SHISA6: variants seen among roughly 807,000 people sequenced by gnomAD.
The protein encoded by SHISA6 is protein shisa-6.
In SHISA6, 22 loss-of-function variants were observed where a neutral mutation model predicts 47.9. The ratio of observed to expected loss-of-function variants is 0.46; its 90% CI spans 0.33 to 0.66. The LOEUF (loss-of-function observed/expected upper bound fraction) is 0.66. Ranked by LOEUF, SHISA6 falls within the 30% of genes least tolerant of loss-of-function variation. SHISA6 has a pLI of 0.02. For synonymous variants in SHISA6, 388 were observed against 337.8 expected (o/e 1.15, Z -1.63); for missense variants, 680 against 764.6 (o/e 0.89, Z 1.30).
intron 3 of SHISA6, among the ~76,000 whole-genome samples, chr17:11,447,759 T>C (rs1455637902): frequency 1.3e-5 from 2 of 152,224 alleles, no homozygotes; most frequent in African/African-American, 4.8e-5. Flanking sequence ...CAATGAAGTT[T>C]CTGCCCGTTT....
intron 2 of SHISA6, among the ~76,000 whole-genome samples, chr17:11,308,519 A>G (rs192575418): frequency 5.3e-4 from 81 of 152,288 alleles, no homozygotes; most frequent in Non-Finnish European, 1.0e-3. Context: ...CAGACTTCCC[A>G]GTACAATTTC....
At chr17:11,346,874 A>G (rs764470803) in intron 2 of SHISA6, among the ~76,000 whole-genome samples, 1 of 152,214 alleles carries the variant, frequency 6.6e-6, no homozygotes, top group Non-Finnish European at 1.5e-5. Flanking sequence ...TATACTCATC[A>G]TATAGTCAGT....
At chr17:11,548,244 AC>A (rs1158609901) in intron 3 of SHISA6, among the ~76,000 whole-genome samples, 3 of 152,050 alleles carry the variant, frequency 2.0e-5, no homozygotes, top group African/African-American at 7.2e-5. Flanking sequence ...CAATAGAAGG[AC>A]CCCCCGAAAA....
chr17:11,499,698 T>TTGTTGTTGTTG (rs1555540216), intron 3 of SHISA6, among the ~76,000 whole-genome samples: 1 of 146,520 alleles, frequency 6.8e-6, no homozygotes, highest in Non-Finnish European at 1.5e-5. Context: ...TTTTTTTTTT[T>TTGTTGTTGTTG]TTGTTGTTGT....
At chr17:11,448,485 T>C (rs1054204739) in intron 3 of SHISA6, among the ~76,000 whole-genome samples, 2 of 151,638 alleles carry the variant, frequency 1.3e-5, no homozygotes, top group Non-Finnish European at 2.9e-5. Context: ...TCAGCTGTGA[T>C]CACACCACTG....
At chr17:11,329,912 C>T (rs6502143) in intron 2 of SHISA6, among the ~76,000 whole-genome samples, 30,729 of 151,850 alleles carry the variant, frequency 0.2, 3,415 homozygotes, top group African/African-American at 0.3. Context: ...CTCTCCCTCC[C>T]TCCCTCCCTC....
At position 11,353,479 on chromosome 17, in the gene SHISA6, C is replaced by T. The variant is rs571859024; in HGVS notation, c.800-25935C>T. Among the ~76,000 whole-genome samples the T allele has an allele frequency of 7.2e-3, 1,076 of 150,430 alleles. 1 individual carries two copies. The highest frequency in any genetic ancestry group is 0.011 in the Non-Finnish European group (777 of 67,640). On this transcript the variant is annotated intron_variant, in intron 2 of 5. Transcript: ENST00000441885. ...TAAAAAAAAAAAAAAAAGGGTGAGGCGGGGGGTCCTCAACCAGTGTAACAA... is the reference window on the plus strand; with the variant it reads ...TAAAAAAAAAAAAAAAAGGGTGAGGTGGGGGGTCCTCAACCAGTGTAACAA...
At chr17:11,306,257 G>A (rs1186962924) in intron 2 of SHISA6, among the ~76,000 whole-genome samples, 2 of 152,108 alleles carry the variant, frequency 1.3e-5, no homozygotes, top group Non-Finnish European at 2.9e-5. Context: ...AGGAAAGTAA[G>A]TGATCTCAGC....
chr17:11,386,487 A>T (rs1913198047), intron 3 of SHISA6, among the ~76,000 whole-genome samples: 1 of 152,216 alleles, frequency 6.6e-6, no homozygotes, highest in Admixed American at 6.5e-5. Context: ...AATGTTAAGG[A>T]TTATAGAGAA....
At chr17:11,322,273 A>C (rs1415829754) in intron 2 of SHISA6, among the ~76,000 whole-genome samples, 1 of 152,148 alleles carries the variant, frequency 6.6e-6, no homozygotes, top group Non-Finnish European at 1.5e-5. Context: ...AAAGAAAAAA[A>C]GAGTTTTTTG....
At chr17:11,530,776 A>G (rs2071725545) in intron 3 of SHISA6, among the ~76,000 whole-genome samples, 1 of 152,226 alleles carries the variant, frequency 6.6e-6, no homozygotes, top group South Asian at 2.1e-4. Context: ...GAGGAAAAGA[A>G]GGCACAGTGT....
At chr17:11,453,294 G>C (rs1036735460) in intron 3 of SHISA6, among the ~76,000 whole-genome samples, 2 of 152,156 alleles carry the variant, frequency 1.3e-5, no homozygotes, top group African/African-American at 4.8e-5. Context: ...TGGTAGAAGA[G>C]AGCCTGAGGT....
Position 11,414,413 on chromosome 17 carries a change from ATGCCACTGGGT to A in SHISA6, c.895+34906_895+34916del, listed in dbSNP as rs1225272013. Among the ~76,000 whole-genome samples, 5 of 152,278 alleles carry A rather than the reference ATGCCACTGGGT, an allele frequency of 3.3e-5. No individual in the cohort carries two copies. In the South Asian group the frequency reaches 8.3e-4, roughly 25 times the overall value. On this transcript the variant is annotated intron_variant, in intron 3 of 5. Coordinates refer to ENST00000441885, the MANE Select transcript of SHISA6 (RefSeq NM_207386.4). Reference sequence around the variant, plus strand: ...CATCTTGACCCAGGCAGCCCTCAGAATGCCACTGGGTTCCTGTTGAGGCATTAAAGGGGCTT... The same window carrying A: ...CATCTTGACCCAGGCAGCCCTCAGAATCCTGTTGAGGCATTAAAGGGGCTT...
intron 2 of SHISA6, among the ~76,000 whole-genome samples, chr17:11,319,750 A>G (rs1429834652): frequency 1.3e-5 from 2 of 152,240 alleles, no homozygotes; most frequent in African/African-American, 2.4e-5. Context: ...TCAATTCCTT[A>G]AAGTGTTTAG....
chr17:11,514,603 C>T (rs2071567455), intron 3 of SHISA6, among the ~76,000 whole-genome samples: 1 of 152,216 alleles, frequency 6.6e-6, no homozygotes, highest in African/African-American at 2.4e-5. Context: ...CTCACATGGG[C>T]AGCATCCCCC....
chr17:11,340,850 A>G (rs979336463), intron 2 of SHISA6, among the ~76,000 whole-genome samples: 2 of 152,230 alleles, frequency 1.3e-5, no homozygotes, highest in Non-Finnish European at 2.9e-5. Context: ...TAGTGACCGT[A>G]TGTTCCAAGC....
At chr17:11,382,965 C>A (rs1287748062) in intron 3 of SHISA6, among the ~76,000 whole-genome samples, 1 of 122,554 alleles carries the variant, frequency 8.2e-6, no homozygotes, top group Non-Finnish European at 1.6e-5. Flanking sequence ...GAGACGGAGT[C>A]TCACTCTGCC....
chr17:11,419,798 C>G (rs953372448), intron 3 of SHISA6, among the ~76,000 whole-genome samples: 2 of 152,146 alleles, frequency 1.3e-5, no homozygotes, highest in African/African-American at 2.4e-5. Flanking sequence ...CCACCTTTTC[C>G]CTGGATGACC....
intron 2 of SHISA6, among the ~76,000 whole-genome samples, chr17:11,334,692 A>G (rs1911258242): frequency 1.3e-5 from 2 of 152,176 alleles, no homozygotes; most frequent in Admixed American, 1.3e-4. Context: ...AGACACTAGC[A>G]TGCTCCCCTG....
Sources: gnomAD v4.1 joint callset for allele counts (sites outside exome capture counted in the v4.1 genomes callset) on GRCh38, gnomAD v4.1.1 for gene constraint, MANE v1.5 for transcripts, NCBI Gene and HGNC (gene_info 2026-07-23, HGNC 2026-07-21) for gene names.